CTNNA3: variants seen among roughly 807,000 people sequenced by gnomAD.
The protein encoded by CTNNA3 is catenin alpha-3.
CTNNA3 carries 76 observed loss-of-function variants against 95.7 expected under a neutral mutation model. The observed-to-expected ratio is 0.79, with a 90% CI of 0.66 to 0.96. The LOEUF (loss-of-function observed/expected upper bound fraction) is 0.96, where lower values mean the gene tolerates loss of function less well. Among genes scored for constraint, CTNNA3 ranks in the 40% least tolerant of loss-of-function variants. The pLI is 0.00. For missense variants in CTNNA3, 1,191 were observed against 1,089.8 expected, an observed-to-expected ratio of 1.09 and a Z score of -1.31; for synonymous variants, 431 against 374.4, an observed-to-expected ratio of 1.15 and a Z score of -1.74.
In CTNNA3 at chr10:66,962,102, T is replaced by C. The variant is rs60204471; in HGVS notation, c.1048-186578A>G. 3.7e-3 allele frequency among the ~76,000 whole-genome samples: 561 copies of C among 152,308 alleles called. 10 individuals are homozygous for C. The East Asian group carries it at 0.053, about 14-fold the overall frequency. On this transcript the variant is annotated intron_variant, in intron 7 of 17. Transcript: ENST00000433211. ...TCCACCTTCACCTCATCTCAAAATG[T>C]GGGCTAGAGTGATCATTTAAAACAT...
rs1589139593 is a variant in CTNNA3 at position 66,360,826 on chromosome 10, T to C, written c.1732+18326A>G. ...CTTCCTTCCTTCCTTCCTTTCTTTC[T>C]TTCTTTCTTTCTTTCTTTCTTTCTT... On this transcript the variant is annotated intron_variant, in intron 12 of 17. Coordinates refer to ENST00000433211, the MANE Select transcript of CTNNA3 (RefSeq NM_013266.4). Among the ~76,000 whole-genome samples, 32 of 66,926 alleles carry C rather than the reference T, an allele frequency of 4.8e-4. 3 individuals are homozygous for C. Among genetic ancestry groups the C allele is most frequent in the African/African-American group, 2.0e-3 (30 of 14,854 alleles). The allele number at this position is 66,926 out of a possible 152,430, so 43.9% of individuals were successfully genotyped here. A position where few individuals can be genotyped will look rare whatever the true frequency, so the allele number is the denominator to read the frequency against.
chr10:66,106,038 T>G (rs1231019278), intron 13 of CTNNA3, among the ~76,000 whole-genome samples: 1 of 151,822 alleles, frequency 6.6e-6, no homozygotes, highest in African/African-American at 2.4e-5. Context: ...AGAAACCCCG[T>G]CTCTACTAAA....
rs140356536 is a variant in CTNNA3 at position 67,693,801 on chromosome 10, A to T, written c.-6+2199T>A. Among the ~76,000 whole-genome samples, 13 of 152,056 alleles carry T rather than the reference A, an allele frequency of 8.5e-5. No homozygotes were observed. In the East Asian group the frequency reaches 2.5e-3, roughly 29 times the overall value. The stretch of plus-strand genomic sequence containing the variant: ...CTAATTCCTTAGCTTTCTTCCTTCT[A>T]CTCTATTTACACAACATGGTTCTCA... On this transcript the variant is annotated intron_variant, in intron 1 of 17. Transcript: ENST00000433211.
At chr10:66,787,500 C>T (rs138238258) in intron 7 of CTNNA3, among the ~76,000 whole-genome samples, 1 of 152,108 alleles carries the variant, frequency 6.6e-6, no homozygotes, top group Non-Finnish European at 1.5e-5. Context: ...CCTTCTGCCT[C>T]TGTCTCTCCT....
intron 5 of CTNNA3, among the ~76,000 whole-genome samples, chr10:67,373,266 G>A (rs1205786491): frequency 1.3e-5 from 2 of 152,064 alleles, no homozygotes; most frequent in African/African-American, 2.4e-5. Flanking sequence ...TCAAAATAAA[G>A]GGATGGAGGA....
chr10:66,129,028 G>A (rs2082963453), intron 13 of CTNNA3, among the ~76,000 whole-genome samples: 1 of 152,192 alleles, frequency 6.6e-6, no homozygotes, highest in Admixed American at 6.5e-5. Context: ...ACTTTGGGAG[G>A]CCGAGGAGGA....
chr10:66,713,126 G>C lies in CTNNA3; in HGVS notation c.1281+53138C>G, dbSNP rs756667644. On this transcript the variant is annotated intron_variant, in intron 9 of 17. Coordinates refer to ENST00000433211, the MANE Select transcript of CTNNA3 (RefSeq NM_013266.4). ...ACACAGGAGGCTCGAGAACCACAAA[G>C]CTAGCAGGCTGCTATGATCTGGGTC... is the stretch of plus-strand genomic sequence containing the variant. 3.5e-4 allele frequency among the ~76,000 whole-genome samples: 53 copies of C among 152,132 alleles called. 1 individual carries two copies. Among genetic ancestry groups the C allele is most frequent in the Non-Finnish European group, 6.5e-4 (44 of 68,004 alleles).
intron 1 of CTNNA3, among the ~76,000 whole-genome samples, chr10:67,689,343 C>A (rs191658845): frequency 9.9e-5 from 15 of 152,250 alleles, no homozygotes; most frequent in African/African-American, 3.4e-4. Context: ...GTCCCTTGCC[C>A]AGATGGGACT....
intron 4 of CTNNA3, among the ~76,000 whole-genome samples, 176 bp downstream of exon 4, chr10:67,539,327 G>A (rs1174240548): frequency 1.3e-5 from 2 of 152,040 alleles, no homozygotes; most frequent in Non-Finnish European, 2.9e-5. Context: ...GAACTACTCT[G>A]GCTTCCTTAT....
chr10:67,220,753 G>C (rs779564174), intron 5 of CTNNA3, among the ~76,000 whole-genome samples: 11 of 152,030 alleles, frequency 7.2e-5, no homozygotes, highest in Admixed American at 3.9e-4. Flanking sequence ...ATCAGAACTA[G>C]CTCAATATAC....
At chr10:67,463,653 T>C (rs2133002378) in intron 5 of CTNNA3, among the ~76,000 whole-genome samples, 1 of 152,344 alleles carries the variant, frequency 6.6e-6, no homozygotes, top group Admixed American at 6.5e-5. Flanking sequence ...CATCTACAAC[T>C]ATAAATAAGG....
At chr10:67,159,350 A>T (rs911611014) in intron 7 of CTNNA3, among the ~76,000 whole-genome samples, 16 of 152,172 alleles carry the variant, frequency 1.1e-4, no homozygotes, top group Non-Finnish European at 2.1e-4. Flanking sequence ...TTCCTTCTAT[A>T]ACTCAGTGTC....
At chr10:67,225,658 C>T (rs1055414918) in intron 5 of CTNNA3, among the ~76,000 whole-genome samples, 4 of 152,114 alleles carry the variant, frequency 2.6e-5, no homozygotes, top group African/African-American at 9.7e-5. Flanking sequence ...GGAAGCCACA[C>T]CCATAGGAAA....
At chr10:66,922,879 T>C (rs1249915183) in intron 7 of CTNNA3, among the ~76,000 whole-genome samples, 5 of 152,158 alleles carry the variant, frequency 3.3e-5, no homozygotes, top group Non-Finnish European at 5.9e-5. Flanking sequence ...TGTTTTGATA[T>C]AGGCATGCAA....
rs569153081 is a variant in CTNNA3 at position 66,954,990 on chromosome 10, G to A, written c.1048-179466C>T. 4.6e-4 allele frequency among the ~76,000 whole-genome samples: 70 copies of A among 152,260 alleles called. 1 individual carries two copies. The highest frequency in any genetic ancestry group is 1.5e-3 in the African/African-American group (61 of 41,550). ...TAGGAAAAGTACCAAGATACTAGAC[G>A]TAAACATGCTTTGGAAAACATTGGA... On this transcript the variant is annotated intron_variant, in intron 7 of 17. Transcript: ENST00000433211.
At chr10:66,720,990 C>T (rs1430180753) in intron 9 of CTNNA3, among the ~76,000 whole-genome samples, 5 of 152,218 alleles carry the variant, frequency 3.3e-5, no homozygotes, top group African/African-American at 4.8e-5. Context: ...AGGCCCTTCA[C>T]AGCCTCGGGG....
intron 3 of CTNNA3, among the ~76,000 whole-genome samples, chr10:67,569,120 T>C (rs1841904071): frequency 6.6e-6 from 1 of 152,146 alleles, no homozygotes; most frequent in African/African-American, 2.4e-5. Context: ...ATGAGATAAT[T>C]AGCTACATTG....
chr10:66,533,339 A>G (rs1385407397), intron 10 of CTNNA3, among the ~76,000 whole-genome samples: 1 of 152,110 alleles, frequency 6.6e-6, no homozygotes, highest in Non-Finnish European at 1.5e-5. Context: ...TATTAAATCT[A>G]GGTCAGTTTC....
intron 17 of CTNNA3, among the ~76,000 whole-genome samples, chr10:65,956,978 G>C (rs577970058): frequency 1.7e-3 from 259 of 152,218 alleles, no homozygotes; most frequent in African/African-American, 5.8e-3. Context: ...GTCTAATGTT[G>C]ACAGTGGGGT....
Sources: allele counts gnomAD v4.1 joint callset (sites outside exome capture counted in the v4.1 genomes callset), GRCh38; gene constraint gnomAD v4.1.1; transcripts MANE v1.5; gene names NCBI Gene and HGNC (gene_info 2026-07-23, HGNC 2026-07-21).